Variants in EPHA5 observed in about 807,000 individuals in gnomAD.
The protein encoded by EPHA5 is EPH receptor A5, also known as ephrin type-A receptor 5.
Under a neutral mutation model 105.0 loss-of-function variants are expected in EPHA5, and 60 were observed. The ratio of observed to expected loss-of-function variants is 0.57; its 90% CI spans 0.46 to 0.71. The LOEUF (loss-of-function observed/expected upper bound fraction) is 0.71. Ranked by LOEUF, EPHA5 falls within the 30% of genes least tolerant of loss-of-function variation. The pLI is 0.00. For synonymous variants in EPHA5, 513 were observed against 449.1 expected (o/e 1.14, Z -1.80); for missense variants, 1,218 against 1,274.7 (o/e 0.96, Z 0.68).
intron 16 of EPHA5, among the ~76,000 whole-genome samples, chr4:65,330,101 A>C (rs1720461189): frequency 6.6e-6 from 1 of 151,434 alleles, no homozygotes; most frequent in Non-Finnish European, 1.5e-5. Context: ...AATTTGGAGC[A>C]GTTACTATAG....
chr4:65,570,260 T>TC (rs1040216946), intron 3 of EPHA5, among the ~76,000 whole-genome samples: 3 of 151,922 alleles, frequency 2.0e-5, no homozygotes, highest in African/African-American at 7.2e-5. Context: ...TGTATTATAA[T>TC]CCAGAAAGCT....
intron 3 of EPHA5, among the ~76,000 whole-genome samples, chr4:65,592,196 A>G (rs1742730412): frequency 6.6e-6 from 1 of 152,168 alleles, no homozygotes; most frequent in African/African-American, 2.4e-5. Context: ...TAACAGCTTG[A>G]CGTTCCTGTT....
chr4:65,631,055 AT>A (rs1446364024), intron 2 of EPHA5, among the ~76,000 whole-genome samples: 7 of 152,126 alleles, frequency 4.6e-5, no homozygotes, highest in Non-Finnish European at 1.0e-4. Flanking sequence ...CATGCCCATC[AT>A]TGTACCCCTG....
chr4:65,574,005 A>C, intron 3 of EPHA5: 1 of 1,596,400 alleles, frequency 6.3e-7, no homozygotes, highest in South Asian at 1.1e-5. Flanking sequence ...TCTGGTCCTC[A>C]ATCGAGTTCC....
At chr4:65,374,470 G>T (rs1472936674) in intron 8 of EPHA5, among the ~76,000 whole-genome samples, 2 of 151,760 alleles carry the variant, frequency 1.3e-5, no homozygotes, top group African/African-American at 2.4e-5. Flanking sequence ...TGATGGATGT[G>T]GTTTCCTGGT....
intron 5 of EPHA5, among the ~76,000 whole-genome samples, chr4:65,421,496 A>T (rs1723942000): frequency 6.6e-6 from 1 of 152,168 alleles, no homozygotes; most frequent in Non-Finnish European, 1.5e-5. Context: ...ATCTGTATGA[A>T]TTATTTTGAA....
chr4:65,365,348 G>C (rs1265126863), intron 10 of EPHA5, 146 bp from the exon 11 acceptor site: 1 of 676,382 alleles, frequency 1.5e-6, no homozygotes, highest in Non-Finnish European at 2.5e-6. Flanking sequence ...AGTCAGAAAA[G>C]GGTAGTCTAC....
intron 3 of EPHA5, among the ~76,000 whole-genome samples, chr4:65,579,083 C>A (rs955301656): frequency 1.3e-5 from 2 of 151,822 alleles, no homozygotes; most frequent in African/African-American, 4.8e-5. Context: ...ATGAAGATTA[C>A]TTTTATAGCC....
At chr4:65,576,080 AAAG>A (rs1740965082) in intron 3 of EPHA5, among the ~76,000 whole-genome samples, 4 of 98,522 alleles carry the variant, frequency 4.1e-5, no homozygotes, top group African/African-American at 1.5e-4. Flanking sequence ...AAAGAAAAGA[AAAG>A]AAAAGAAAAG....
At chr4:65,665,983 C>A (rs1749933809) in intron 1 of EPHA5, among the ~76,000 whole-genome samples, 1 of 152,262 alleles carries the variant, frequency 6.6e-6, no homozygotes, top group East Asian at 1.9e-4. Context: ...AAATGAATTA[C>A]AACAGGATGA....
intron 1 of EPHA5, among the ~76,000 whole-genome samples, chr4:65,652,991 A>G (rs1452859884): frequency 6.6e-6 from 1 of 152,118 alleles, no homozygotes; most frequent in Non-Finnish European, 1.5e-5. Flanking sequence ...AAGGTACACT[A>G]AAAACTACTA....
rs886832601 is a variant in EPHA5 at position 65,401,998 on chromosome 4, C to T, written c.1793+2376G>A. On this transcript the variant is annotated intron_variant, in intron 8 of 16. Coordinates refer to ENST00000613740, the MANE Select transcript of EPHA5 (RefSeq NM_001281766.3). ...CCAAATCTCATCTTGCATTATAATC[C>T]CCATAATCCCCACATGTCAAGGGAG... 1.4e-4 allele frequency among the ~76,000 whole-genome samples: 22 copies of T among 151,790 alleles called. 1 individual carries two copies. Among genetic ancestry groups the T allele is most frequent in the Admixed American group, 1.4e-3 (21 of 15,210 alleles).
intron 3 of EPHA5, among the ~76,000 whole-genome samples, chr4:65,582,288 G>T (rs543077186): frequency 2.0e-5 from 3 of 151,722 alleles, no homozygotes; most frequent in Admixed American, 6.6e-5. Flanking sequence ...AGACAAGGGA[G>T]TAGGTATTTT....
At chr4:65,384,979 G>A (rs1451172) in intron 8 of EPHA5, among the ~76,000 whole-genome samples, 4 of 151,316 alleles carry the variant, frequency 2.6e-5, no homozygotes, top group Non-Finnish European at 4.4e-5. Context: ...CGTCTGTCTC[G>A]GGGGCCTCTT....
intron 3 of EPHA5, among the ~76,000 whole-genome samples, chr4:65,576,537 A>G (rs1741075434): frequency 6.6e-6 from 1 of 152,208 alleles, no homozygotes; most frequent in Admixed American, 6.5e-5. Context: ...TCAAAAAGCT[A>G]GTGTGTAAAT....
intron 8 of EPHA5, among the ~76,000 whole-genome samples, chr4:65,395,001 T>C (rs931965604): frequency 2.0e-5 from 3 of 152,164 alleles, no homozygotes; most frequent in Non-Finnish European, 4.4e-5. Context: ...CGTTGATGTG[T>C]CTAAATTAAA....
intron 3 of EPHA5, among the ~76,000 whole-genome samples, chr4:65,527,336 A>C (rs2149293346): frequency 6.6e-6 from 1 of 152,224 alleles, no homozygotes; most frequent in African/African-American, 2.4e-5. Context: ...CTGACAGTAA[A>C]AGTTGTCAAG....
At chr4:65,357,520 A>T (rs1577906198) in intron 11 of EPHA5, among the ~76,000 whole-genome samples, 2 of 151,636 alleles carry the variant, frequency 1.3e-5, no homozygotes, top group East Asian at 3.9e-4. Flanking sequence ...ACCTTTTCTC[A>T]ATAAATATTC....
intron 7 of EPHA5, among the ~76,000 whole-genome samples, chr4:65,408,234 A>C (rs1158126170): frequency 6.6e-6 from 1 of 152,110 alleles, no homozygotes; most frequent in Non-Finnish European, 1.5e-5. Context: ...AGGAGTGAGA[A>C]AAAAATATTT....
Sources: allele counts gnomAD v4.1 joint callset (sites outside exome capture counted in the v4.1 genomes callset), GRCh38; gene constraint gnomAD v4.1.1; transcripts MANE v1.5; gene names NCBI Gene and HGNC (gene_info 2026-07-23, HGNC 2026-07-21).